The following VAV1 variants were observed in gnomAD, a reference collection of about 807,000 sequenced individuals.
VAV1 encodes the protein proto-oncogene vav.
VAV1 carries 33 observed loss-of-function variants against 128.1 expected under a neutral mutation model. That is an observed-to-expected ratio of 0.26 (90% CI 0.20 to 0.34). The LOEUF (loss-of-function observed/expected upper bound fraction) is 0.34. Among genes scored for constraint, VAV1 ranks in the 10% least tolerant of loss-of-function variants. The pLI is 1.00. For synonymous variants in VAV1, 394 were observed against 409.8 expected (o/e 0.96, Z 0.47); for missense variants, 715 against 1,093.7 (o/e 0.65, Z 4.88).
chr19:6,815,021 A>G (rs1971615784), intron 1 of VAV1, among the ~76,000 whole-genome samples: 1 of 152,114 alleles, frequency 6.6e-6, no homozygotes, highest in African/African-American at 2.4e-5. Flanking sequence ...CTTCTGTTGC[A>G]GATTTCTCTT....
Position 6,786,417 on chromosome 19 carries a change from C to T in VAV1, c.204+13406C>T, listed in dbSNP as rs184655580. Among the ~76,000 whole-genome samples, 72 of 152,162 alleles carry T rather than the reference C, an allele frequency of 4.7e-4. No homozygotes were observed. The East Asian group carries it at 0.014, about 29-fold the overall frequency. The stretch of plus-strand genomic sequence containing the variant: ...TTTGAGGCTGCAGTGAACTATGATC[C>T]TGCCACTGCACTCCAGCCTGGGCAA... On this transcript the variant is annotated intron_variant, in intron 1 of 26. Coordinates refer to ENST00000602142, the MANE Select transcript of VAV1 (RefSeq NM_005428.4).
chr19:6,821,995 G>C, intron 4 of VAV1, 136 bp downstream of exon 4: 1 of 1,279,396 alleles, frequency 7.8e-7, no homozygotes, highest in Non-Finnish European at 1.1e-6. Context: ...TTGCCTGAGA[G>C]TCTGGGGAGA....
At chr19:6,835,704 G>A (rs1226174947) in intron 19 of VAV1, 2 of 152,128 alleles carry the variant, frequency 1.3e-5, no homozygotes, top group African/African-American at 4.8e-5. Context: ...ATCGCCTGTA[G>A]CAATAGCTTG....
intron 14 of VAV1, among the ~76,000 whole-genome samples, chr19:6,831,847 A>T (rs1599665215): frequency 7.0e-6 from 1 of 142,768 alleles, no homozygotes; most frequent in Non-Finnish European, 1.5e-5. Flanking sequence ...TGCTTCTGCA[A>T]AGGGGAGTGT....
intron 1 of VAV1, among the ~76,000 whole-genome samples, chr19:6,801,299 G>A (rs1568292240): frequency 6.6e-6 from 1 of 152,134 alleles, no homozygotes. Context: ...GTACAGATGA[G>A]TCAATTGAAT....
chr19:6,826,539 C>T lies in VAV1; in HGVS notation c.828-73C>T. On this transcript the variant is annotated intron_variant, in intron 8 of 26. Coordinates refer to ENST00000602142, the MANE Select transcript of VAV1 (RefSeq NM_005428.4). The surrounding 1 kb of genome is among the most constrained non-coding windows in gnomAD (Gnocchi z 4.1). Reference sequence around the variant, plus strand: ...CTTCTCCAGCGGGGAAGAGCAAGGCCAGGGCTGACGCCAGCCTCTGCCCGA... The same window carrying T: ...CTTCTCCAGCGGGGAAGAGCAAGGCTAGGGCTGACGCCAGCCTCTGCCCGA... The T allele has an allele frequency of 8.4e-7, 1 of 1,195,050 alleles. No individual in the cohort carries two copies. Among genetic ancestry groups the T allele is most frequent in the Non-Finnish European group, 1.2e-6 (1 of 828,388 alleles). The allele number at this position is 1,195,050 out of a possible 1,614,324, so 74.0% of individuals were successfully genotyped here. A position where few individuals can be genotyped will look rare whatever the true frequency, so the allele number is the denominator to read the frequency against.
chr19:6,856,781 G>A (rs1972816653), intron 26 of VAV1, among the ~76,000 whole-genome samples: 1 of 151,694 alleles, frequency 6.6e-6, no homozygotes, highest in Non-Finnish European at 1.5e-5. Context: ...GCTAAGGAGT[G>A]TTGGGGTGGG....
chr19:6,798,800 T>C (rs1370889069), intron 1 of VAV1, among the ~76,000 whole-genome samples: 1 of 151,996 alleles, frequency 6.6e-6, no homozygotes, highest in Non-Finnish European at 1.5e-5. Context: ...TGTGTGCCAC[T>C]GAACCTGGCC....
At chr19:6,833,805 C>T (rs1972152362) in intron 18 of VAV1, 72 bp downstream of exon 18, 1 of 1,613,446 alleles carries the variant, frequency 6.2e-7, no homozygotes, top group South Asian at 1.1e-5. Context: ...CCCAGGACAT[C>T]CTGGAACTGG....
At chr19:6,814,671 C>CTTTCTTTTCTTTCTTTCTTT in intron 1 of VAV1, among the ~76,000 whole-genome samples, 1 of 25,796 alleles carries the variant, frequency 3.9e-5, no homozygotes, top group Non-Finnish European at 7.1e-5. Flanking sequence ...TTCCTTCCTT[C>CTTTCTTTTCTTTCTTTCTTT]CTTTCTTTCT....
rs145545128 is a variant in VAV1, at chr19:6,782,982, C to G, written c.204+9971C>G. ...GGATCATGAGGTCAGGAGTTTGAAA[C>G]CAGCCTGACCAATATGGGGAAATCC... On this transcript the variant is annotated intron_variant, in intron 1 of 26. Transcript: ENST00000602142. Among the ~76,000 whole-genome samples the G allele has an allele frequency of 9.4e-4, 143 of 151,536 alleles. 1 individual carries two copies. The highest frequency in any genetic ancestry group is 3.4e-3 in the African/African-American group (140 of 41,354).
intron 19 of VAV1, among the ~76,000 whole-genome samples, chr19:6,835,236 C>T (rs1438890378): frequency 6.6e-6 from 1 of 151,470 alleles, no homozygotes; most frequent in Non-Finnish European, 1.5e-5. Context: ...CACACACACA[C>T]ACACACACAC....
In VAV1 at chr19:6,856,120, C is replaced by G. The variant is rs772762824; in HGVS notation, c.2485-934C>G. ...GACCCGCCTGGCCAACATGGCGAAA[C>G]CCTGTCTTAACTAAAGATACAAAAA... is the stretch of plus-strand genomic sequence containing the variant. On this transcript the variant is annotated intron_variant, in intron 26 of 26. Coordinates refer to ENST00000602142, the MANE Select transcript of VAV1 (RefSeq NM_005428.4). 1.4e-4 allele frequency among the ~76,000 whole-genome samples: 22 copies of G among 152,066 alleles called. 1 individual carries two copies. Among genetic ancestry groups the G allele is most frequent in the Non-Finnish European group, 3.2e-4 (22 of 68,026 alleles).
At chr19:6,804,965 G>A (rs1049320674) in intron 1 of VAV1, among the ~76,000 whole-genome samples, 1 of 150,716 alleles carries the variant, frequency 6.6e-6, no homozygotes. Flanking sequence ...CCTTCCTGAG[G>A]CGTGAACCAC....
rs1217732735 is a variant in VAV1 at position 6,781,663 on chromosome 19, A to G, written c.204+8652A>G. Among the ~76,000 whole-genome samples the G allele has an allele frequency of 4.8e-5, 7 of 147,032 alleles. No homozygotes were observed. The South Asian group carries it at 1.1e-3, about 22-fold the overall frequency. Reference sequence around the variant, plus strand: ...TTCTCTGTTGTACAGGCTGCAGTGTAGTGGCGCAATCTCAGCTCACTGCAA... The same window carrying G: ...TTCTCTGTTGTACAGGCTGCAGTGTGGTGGCGCAATCTCAGCTCACTGCAA... On this transcript the variant is annotated intron_variant, in intron 1 of 26. Transcript: ENST00000602142.
chr19:6,801,627 C>A (rs1971271765), intron 1 of VAV1, among the ~76,000 whole-genome samples: 1 of 152,136 alleles, frequency 6.6e-6, no homozygotes, highest in African/African-American at 2.4e-5. Context: ...CCTCCACCCA[C>A]CCTTTTTTCT....
intron 1 of VAV1, among the ~76,000 whole-genome samples, chr19:6,814,789 A>G (rs1971609669): frequency 6.7e-6 from 1 of 149,398 alleles, no homozygotes; most frequent in Non-Finnish European, 1.5e-5. Context: ...ACAATGTTGA[A>G]TAGAAATGGT....
At position 6,820,071 on chromosome 19, in the gene VAV1, C is replaced by G. The variant is rs1018893760; in HGVS notation, c.205-631C>G. Among the ~76,000 whole-genome samples the G allele has an allele frequency of 2.0e-5, 3 of 152,166 alleles. No individual in the cohort carries two copies. Among genetic ancestry groups the G allele is most frequent in the Admixed American group, 6.6e-5 (1 of 15,264 alleles). ...TGGTGGCTCCCACCTGTAATCTCAG[C>G]ACTTTAGGAGGCCAAGGTGGGCAGA... On this transcript the variant is annotated intron_variant, in intron 1 of 26. Coordinates refer to ENST00000602142, the MANE Select transcript of VAV1 (RefSeq NM_005428.4). The surrounding 1 kb of genome is among the most constrained non-coding windows in gnomAD (Gnocchi z 4.4).
chr19:6,829,653 C>G, intron 13 of VAV1, 133 bp from the exon 14 acceptor site: 1 of 1,332,006 alleles, frequency 7.5e-7, no homozygotes, highest in Non-Finnish European at 1.0e-6. Flanking sequence ...TCAGGATGGA[C>G]AGGTGGGCAT....
Sources: allele counts gnomAD v4.1 joint callset (sites outside exome capture counted in the v4.1 genomes callset), GRCh38; gene constraint gnomAD v4.1.1; non-coding constraint Gnocchi (gnomAD v3.1); transcripts MANE v1.5; gene names NCBI Gene and HGNC (gene_info 2026-07-23, HGNC 2026-07-21).